Variants in FHIT observed in about 807,000 individuals in gnomAD.
The protein encoded by FHIT is bis(5'-adenosyl)-triphosphatase.
In FHIT, 19 loss-of-function variants were observed where a neutral mutation model predicts 17.9. The observed-to-expected ratio is 1.06, with a 90% CI of 0.74 to 1.56. The LOEUF (loss-of-function observed/expected upper bound fraction) is 1.56, where lower values mean the gene tolerates loss of function less well. Ranked by LOEUF, FHIT falls within the 40% of genes most tolerant of loss-of-function variation. The pLI is 0.00. For missense variants in FHIT, 248 were observed against 189.2 expected (o/e 1.31, Z -1.82); for synonymous variants, 81 against 69.7 (o/e 1.16, Z -0.81).
At chr3:59,923,214 G>C (rs1705493820) in intron 7 of FHIT, among the ~76,000 whole-genome samples, 1 of 105,748 alleles carries the variant, frequency 9.5e-6, no homozygotes, top group African/African-American at 4.0e-5. Context: ...GACAGAGCGA[G>C]ACTCCTCAAA....
chr3:60,394,367 T>A (rs1559879359), intron 5 of FHIT, among the ~76,000 whole-genome samples: 1 of 152,316 alleles, frequency 6.6e-6, no homozygotes, highest in East Asian at 1.9e-4. Flanking sequence ...ATGCCCTGCC[T>A]CTCCTTACTT....
intron 4 of FHIT, among the ~76,000 whole-genome samples, chr3:60,548,010 A>G (rs982704967): frequency 2.6e-5 from 4 of 152,102 alleles, no homozygotes; most frequent in Non-Finnish European, 5.9e-5. Context: ...CTCTTTTGGT[A>G]TTGCCAAAAG....
intron 2 of FHIT, among the ~76,000 whole-genome samples, chr3:61,195,551 C>T (rs912590767): frequency 2.0e-5 from 3 of 152,178 alleles, no homozygotes; most frequent in African/African-American, 7.2e-5. Context: ...TCAATGGAAT[C>T]ACCCCTAGAG....
chr3:59,994,315 C>T (rs561339860), intron 7 of FHIT, among the ~76,000 whole-genome samples: 11 of 152,186 alleles, frequency 7.2e-5, no homozygotes, highest in African/African-American at 1.9e-4. Flanking sequence ...ACCACCAACC[C>T]GTTTAGGGAA....
chr3:60,770,132 G>A (rs1185432446), intron 4 of FHIT, among the ~76,000 whole-genome samples: 2 of 152,162 alleles, frequency 1.3e-5, no homozygotes, highest in African/African-American at 2.4e-5. Context: ...CCATGGTAAA[G>A]GGTTAGACTC....
chr3:60,946,265 G>A (rs1353517792), intron 3 of FHIT, among the ~76,000 whole-genome samples: 1 of 152,104 alleles, frequency 6.6e-6, no homozygotes, highest in South Asian at 2.1e-4. Flanking sequence ...TCAGAGAGTG[G>A]GATGCTGTGA....
At chr3:60,582,267 T>C (rs1474723797) in intron 4 of FHIT, among the ~76,000 whole-genome samples, 2 of 152,016 alleles carry the variant, frequency 1.3e-5, no homozygotes, top group Non-Finnish European at 2.9e-5. Context: ...ACCTGTCCCA[T>C]GTGGGGGGCG....
At chr3:59,936,247 T>C (rs1482870489) in intron 7 of FHIT, among the ~76,000 whole-genome samples, 1 of 152,166 alleles carries the variant, frequency 6.6e-6, no homozygotes, top group Non-Finnish European at 1.5e-5. Context: ...CTGTCTTTGT[T>C]AGACAAAATA....
In FHIT at chr3:60,560,615, G is replaced by C. The variant is rs371212081; in HGVS notation, c.-17-23636C>G. 9.9e-5 allele frequency among the ~76,000 whole-genome samples: 15 copies of C among 152,090 alleles called. No homozygotes were observed. The East Asian group carries it at 2.1e-3, about 22-fold the overall frequency. ...TGTTTGAGGTTGAAAATGGAAATGG[G>C]AAGAACCAGGCAGGCCTTATCTGGC... On this transcript the variant is annotated intron_variant, in intron 4 of 9. Coordinates refer to ENST00000492590, the MANE Select transcript of FHIT (RefSeq NM_002012.4).
chr3:60,624,611 T>C (rs1226356895), intron 4 of FHIT, among the ~76,000 whole-genome samples: 1 of 152,180 alleles, frequency 6.6e-6, no homozygotes, highest in African/African-American at 2.4e-5. Flanking sequence ...AAAAACTGGA[T>C]AAAGGCAGAA....
Position 59,824,661 on chromosome 3 carries a change from A to C in FHIT, c.349-72340T>G, listed in dbSNP as rs544042638. 4.6e-5 allele frequency among the ~76,000 whole-genome samples: 7 copies of C among 152,338 alleles called. 1 individual carries two copies. The highest frequency in any genetic ancestry group is 1.7e-4 in the African/African-American group (7 of 41,584). On this transcript the variant is annotated intron_variant, in intron 8 of 9. Transcript: ENST00000492590. ...TAGCCTGGATGAAACTTGATACTTC[A>C]AAAAGAATCACTTGCTAAAGGGAGA...
At chr3:60,886,627 G>GA (rs1377923874) in intron 3 of FHIT, among the ~76,000 whole-genome samples, 2 of 152,030 alleles carry the variant, frequency 1.3e-5, no homozygotes, top group Non-Finnish European at 2.9e-5. Context: ...TCTAGAGGTA[G>GA]AAAAAAACAC....
chr3:60,141,031 T>C (rs968681159), intron 5 of FHIT, among the ~76,000 whole-genome samples: 10 of 152,154 alleles, frequency 6.6e-5, no homozygotes, highest in African/African-American at 2.4e-4. Context: ...AAGTTTACCA[T>C]ACATAAACTA....
In FHIT at chr3:60,585,360, C is replaced by T. The variant is rs949150340; in HGVS notation, c.-17-48381G>A. Among the ~76,000 whole-genome samples, 8 of 152,088 alleles carry T rather than the reference C, an allele frequency of 5.3e-5. No individual in the cohort carries two copies. The East Asian group carries it at 1.4e-3, about 26-fold the overall frequency. On this transcript the variant is annotated intron_variant, in intron 4 of 9. Transcript: ENST00000492590. ...CAATTTTTGGAGTCAGACACAGGTG[C>T]ATTTTGTTAGAGTTTACTGAAACTC...
rs528873134 is a variant in FHIT at position 60,131,534 on chromosome 3, C to A, written c.104-117382G>T. Reference sequence around the variant, plus strand: ...GCTTGTCAAGAAAACTGCCTATGCTCTGTGTCCTTTATAAAACAATGTTCC... The same window carrying A: ...GCTTGTCAAGAAAACTGCCTATGCTATGTGTCCTTTATAAAACAATGTTCC... On this transcript the variant is annotated intron_variant, in intron 5 of 9. Transcript: ENST00000492590. 2.0e-5 allele frequency among the ~76,000 whole-genome samples: 3 copies of A among 152,250 alleles called. No homozygotes were observed. The South Asian group carries it at 6.2e-4, about 32-fold the overall frequency.
At chr3:60,721,524 C>G (rs1383870876) in intron 4 of FHIT, among the ~76,000 whole-genome samples, 1 of 152,056 alleles carries the variant, frequency 6.6e-6, no homozygotes, top group Non-Finnish European at 1.5e-5. Flanking sequence ...ACACAAAGGC[C>G]TCAGAATTGT....
At chr3:59,859,792 G>A (rs890084502) in intron 8 of FHIT, among the ~76,000 whole-genome samples, 2 of 152,144 alleles carry the variant, frequency 1.3e-5, no homozygotes, top group Non-Finnish European at 2.9e-5. Flanking sequence ...ATTAAATGCA[G>A]TGTATGTTTC....
At chr3:60,004,858 A>G (rs368881392) in intron 7 of FHIT, among the ~76,000 whole-genome samples, 1 of 152,172 alleles carries the variant, frequency 6.6e-6, no homozygotes, top group Non-Finnish European at 1.5e-5. Flanking sequence ...AATGGTGAAC[A>G]TGTATTGAGA....
chr3:59,797,114 GACAGACAAGGAAA>G (rs1309105666), intron 8 of FHIT, among the ~76,000 whole-genome samples: 1 of 149,364 alleles, frequency 6.7e-6, no homozygotes, highest in Non-Finnish European at 1.5e-5. Context: ...AAAAGTGTAA[GACAGACAAGGAAA>G]ACAGAGAAGT....
Sources: gnomAD v4.1 joint callset for allele counts (sites outside exome capture counted in the v4.1 genomes callset) on GRCh38, gnomAD v4.1.1 for gene constraint, MANE v1.5 for transcripts, NCBI Gene and HGNC (gene_info 2026-07-23, HGNC 2026-07-21) for gene names.